The following CACNA1H variants were observed in gnomAD, a reference collection of about 807,000 sequenced individuals.
The protein encoded by CACNA1H is calcium voltage-gated channel subunit alpha1 H.
A neutral mutation model predicts 192.5 loss-of-function variants in CACNA1H; 149 were observed. The ratio of observed to expected loss-of-function variants is 0.77; its 90% CI spans 0.68 to 0.89. The LOEUF (loss-of-function observed/expected upper bound fraction) is 0.89, where lower values mean the gene tolerates loss of function less well. CACNA1H is among the 40% of genes least tolerant of loss of function. The pLI is 0.00. For missense variants in CACNA1H, 4,257 were observed against 3,423.5 expected (o/e 1.24, Z -6.08); for synonymous variants, 2,202 against 1,475.2 (o/e 1.49, Z -11.29).
rs1224011997 is a variant in CACNA1H at position 1,206,103 on chromosome 16, G to T, written c.2604-1G>T. The T allele has an allele frequency of 6.4e-7, 1 of 1,572,938 alleles. No homozygotes were observed. The highest frequency in any genetic ancestry group is 8.6e-7 in the Non-Finnish European group (1 of 1,162,776). Reference sequence around the variant, plus strand: ...TGACCCTCGCCCCCACCTGTCCGCAGCGTCTGGGAGATCGTGGGGCAGGCG... The same window carrying T: ...TGACCCTCGCCCCCACCTGTCCGCATCGTCTGGGAGATCGTGGGGCAGGCG... On this transcript the variant is annotated splice_acceptor_variant, in intron 11 of 34. Transcript: ENST00000348261. LOFTEE classifies it high-confidence loss of function.
At chr16:1,158,589 G>C (rs552099446) in intron 2 of CACNA1H, among the ~76,000 whole-genome samples, 1 of 152,212 alleles carries the variant, frequency 6.6e-6, no homozygotes, top group Admixed American at 6.5e-5. Flanking sequence ...CTCACCCTCC[G>C]GGTCGGGGCT....
chr16:1,185,595 T>C, intron 2 of CACNA1H, among the ~76,000 whole-genome samples: 1 of 19,964 alleles, frequency 5.0e-5, no homozygotes, highest in South Asian at 1.5e-3. Context: ...GAGTAGACGG[T>C]CAGCGTGCGT....
At chr16:1,196,878 C>T (rs546226390) in intron 5 of CACNA1H, among the ~76,000 whole-genome samples, 2 of 152,224 alleles carry the variant, frequency 1.3e-5, no homozygotes, top group South Asian at 2.1e-4. Context: ...TCCTGGGGGT[C>T]GGCGCGGCCC....
At chr16:1,190,460 C>T (rs1966502559) in intron 2 of CACNA1H, among the ~76,000 whole-genome samples, 1 of 152,194 alleles carries the variant, frequency 6.6e-6, no homozygotes. Flanking sequence ...CCCCTGCTGG[C>T]CTGTGCGGGA....
intron 31 of CACNA1H, 81 bp from the exon 32 acceptor site, chr16:1,217,838 G>C (rs1423391461): frequency 2.3e-5 from 35 of 1,490,276 alleles, no homozygotes; most frequent in Non-Finnish European, 2.8e-5. Flanking sequence ...GGCTCCCCAA[G>C]GGGCATGTGG....
chr16:1,195,230 G>A (rs1463607281), intron 3 of CACNA1H, 147 bp downstream of exon 3: 3 of 895,042 alleles, frequency 3.4e-6, no homozygotes, highest in Non-Finnish European at 3.3e-6. Flanking sequence ...TCACGGCGGG[G>A]CGCGAGGTGG....
At chr16:1,183,823 C>T (rs2151768008) in intron 2 of CACNA1H, among the ~76,000 whole-genome samples, 1 of 152,368 alleles carries the variant, frequency 6.6e-6, no homozygotes, top group African/African-American at 2.4e-5. Flanking sequence ...CTGTCCCGTC[C>T]CACCTGCTGG....
chr16:1,218,902 G>A lies in CACNA1H; in HGVS notation c.5888-68G>A, dbSNP rs1345450062. On this transcript the variant is annotated intron_variant, in intron 33 of 34. Transcript: ENST00000348261. ...GGATGGTGGCAGGTTGGGGGAGGAC[G>A]GGGGTGGGTGGCAGCTGGGCAGGAA... The A allele has an allele frequency of 3.9e-5, 59 of 1,499,914 alleles. No homozygotes were observed. In the Admixed American group the frequency reaches 6.3e-4, roughly 16 times the overall value. 92.9% of individuals were successfully genotyped at this position (1,499,914 alleles called of 1,614,324 possible).
Position 1,195,443 on chromosome 16 carries a change from C to G in CACNA1H, c.423C>G (p.Ala141=). 1 of 1,555,928 alleles carries G rather than the reference C, an allele frequency of 6.4e-7. No individual in the cohort carries two copies. The change falls in exon 4 of 35, where the codon GCC becomes GCG. Residue 141 remains alanine, a synonymous_variant. Coordinates refer to ENST00000348261, the MANE Select transcript of CACNA1H (RefSeq NM_021098.3). ...GCCTCCTCCCGCAGGCCTTTGACGC[C>G]TTCATTTTCGCCTTTTTTGCGGTGG... ...ERCNILEAFD[A]FIFAFFAVEM...
Position 1,220,598 on chromosome 16 carries a change from C to T in CACNA1H, c.6666C>T (p.Ser2222=), listed in dbSNP as rs1970407132. ...GSTTLRRRTP[S]CEATPHRDSL... ...CCACACTGAGGCGCAGGACCCCGTC[C>T]TGTGAGGCCACGCCTCACAGGGACT... The change falls in exon 35 of 35, where the codon TCC becomes TCT. Residue 2222 remains serine (S), a synonymous_variant. Transcript: ENST00000348261. 3.9e-6 allele frequency: 6 copies of T among 1,557,228 alleles called. No individual in the cohort carries two copies. Among genetic ancestry groups the T allele is most frequent in the Non-Finnish European group, 5.2e-6 (6 of 1,157,872 alleles).
rs747837740 is a variant in CACNA1H at position 1,211,500 on chromosome 16, A to T, written c.4370A>T (p.Tyr1457Phe). The T allele has an allele frequency of 3.1e-6, 5 of 1,612,206 alleles. No homozygotes were observed. Among genetic ancestry groups the T allele is most frequent in the East Asian group, 2.2e-5 (1 of 44,848 alleles). ...LGVQLFKGKF[Y>F]YCEGPDTRNI... is the part of the protein sequence containing the mutation. ...CGTCAGCTCTTCAAAGGGAAGTTCT[A>T]CTACTGCGAGGGCCCCGACACCAGG... Residue 1457 changes from tyrosine (Y) to phenylalanine (F), a missense_variant, in exon 23 of 35, where the codon TAC (tyrosine) becomes TTC (phenylalanine). By Grantham distance (22) the Tyr-to-Phe change is conservative. Coordinates refer to ENST00000348261, the MANE Select transcript of CACNA1H (RefSeq NM_021098.3).
intron 5 of CACNA1H, 109 bp from the exon 6 acceptor site, chr16:1,198,506 A>G (rs1967269076): frequency 8.4e-7 from 1 of 1,192,984 alleles, no homozygotes; most frequent in African/African-American, 1.5e-5. Flanking sequence ...GTGGGCGTGG[A>G]CACCCACTGT....
chr16:1,203,345 C>T (rs1048825621), intron 9 of CACNA1H, among the ~76,000 whole-genome samples: 4 of 152,174 alleles, frequency 2.6e-5, no homozygotes, highest in East Asian at 3.8e-4. Context: ...AACAGAATCC[C>T]GTAGCTAACT....
At chr16:1,207,545 A>C in intron 14 of CACNA1H, 115 bp downstream of exon 14, 1 of 1,223,738 alleles carries the variant, frequency 8.2e-7, no homozygotes. Context: ...AGAGAAGGGA[A>C]GCTGGCTGCC....
chr16:1,205,452 C>T (rs534203881), intron 11 of CACNA1H, among the ~76,000 whole-genome samples, 187 bp downstream of exon 11: 1 of 152,334 alleles, frequency 6.6e-6, no homozygotes, highest in South Asian at 2.1e-4. Flanking sequence ...AGAGTCCCCT[C>T]CCCAGACGCT....
At chr16:1,203,224 T>C (rs935485310) in intron 9 of CACNA1H, among the ~76,000 whole-genome samples, 6 of 152,138 alleles carry the variant, frequency 3.9e-5, no homozygotes, top group South Asian at 2.1e-4. Flanking sequence ...CTGTGTGTTA[T>C]AAGAGGCACA....
intron 18 of CACNA1H, 107 bp from the exon 19 acceptor site, chr16:1,210,263 G>A: frequency 8.0e-7 from 1 of 1,257,194 alleles, no homozygotes; most frequent in South Asian, 1.3e-5. Flanking sequence ...TCACACCGCA[G>A]GGACCGGGGC....
At chr16:1,197,546 T>C (rs1967131478) in intron 5 of CACNA1H, among the ~76,000 whole-genome samples, 1 of 152,208 alleles carries the variant, frequency 6.6e-6, no homozygotes, top group African/African-American at 2.4e-5. Context: ...CTTCTCATAA[T>C]GAGGACACGC....
intron 2 of CACNA1H, among the ~76,000 whole-genome samples, chr16:1,178,228 C>T (rs955198048): frequency 5.9e-4 from 84 of 142,862 alleles, no homozygotes; most frequent in African/African-American, 2.1e-3. Flanking sequence ...CCTGGGATCC[C>T]CCAACGGGCT....
Sources: allele counts gnomAD v4.1 joint callset (sites outside exome capture counted in the v4.1 genomes callset), GRCh38; gene constraint gnomAD v4.1.1; transcripts MANE v1.5; gene names NCBI Gene and HGNC (gene_info 2026-07-23, HGNC 2026-07-21).